NOVA1: variants seen among roughly 807,000 people sequenced by gnomAD.
NOVA1 encodes RNA-binding protein Nova-1.
In NOVA1, 7 loss-of-function variants were observed where a neutral mutation model predicts 38.0. The ratio of observed to expected loss-of-function variants is 0.18; its 90% CI spans 0.10 to 0.35. The LOEUF (loss-of-function observed/expected upper bound fraction) is 0.35, where lower values mean the gene tolerates loss of function less well. NOVA1 is among the 10% of genes least tolerant of loss of function. The pLI is 1.00. For missense variants in NOVA1, 460 were observed against 616.0 expected (o/e 0.75, Z 2.68); for synonymous variants, 270 against 232.5 (o/e 1.16, Z -1.47).
chr14:26,467,066 C>A (rs1402414342), intron 4 of NOVA1, among the ~76,000 whole-genome samples: 2 of 152,134 alleles, frequency 1.3e-5, no homozygotes, highest in African/African-American at 4.8e-5. Flanking sequence ...CAGATGTCAG[C>A]ATATAAAAGC....
At chr14:26,487,089 A>G (rs1003839184) in intron 2 of NOVA1, among the ~76,000 whole-genome samples, 3 of 152,174 alleles carry the variant, frequency 2.0e-5, no homozygotes, top group Non-Finnish European at 4.4e-5. Flanking sequence ...CATAAGCAAA[A>G]GTCTCATTTA....
chr14:26,590,642 A>C (rs1453560019), intron 2 of NOVA1, among the ~76,000 whole-genome samples: 1 of 151,634 alleles, frequency 6.6e-6, no homozygotes, highest in African/African-American at 2.4e-5. Flanking sequence ...GATATCACAT[A>C]CTCCTTAGCA....
intron 2 of NOVA1, among the ~76,000 whole-genome samples, chr14:26,542,099 AG>A (rs1459090870): frequency 6.6e-6 from 1 of 151,958 alleles, no homozygotes; most frequent in African/African-American, 2.4e-5. Flanking sequence ...TCATTAGGTA[AG>A]GTAAACATAT....
intron 2 of NOVA1, among the ~76,000 whole-genome samples, chr14:26,532,400 T>C (rs1161470513): frequency 6.6e-6 from 1 of 152,072 alleles, no homozygotes; most frequent in African/African-American, 2.4e-5. Context: ...CTCAGAAACA[T>C]GATTCAGAGC....
chr14:26,551,366 A>G (rs1490625125), intron 2 of NOVA1, among the ~76,000 whole-genome samples: 2 of 152,078 alleles, frequency 1.3e-5, no homozygotes, highest in Non-Finnish European at 2.9e-5. Flanking sequence ...AGTAATAGTA[A>G]TAATTGTTCA....
intron 2 of NOVA1, among the ~76,000 whole-genome samples, chr14:26,543,459 G>A (rs945816894): frequency 4.0e-5 from 6 of 151,884 alleles, no homozygotes; most frequent in African/African-American, 1.5e-4. Context: ...TGGTCAGAGA[G>A]ACAGACACAT....
At chr14:26,473,546 C>T (rs1178069437) in intron 3 of NOVA1, among the ~76,000 whole-genome samples, 1 of 151,856 alleles carries the variant, frequency 6.6e-6, no homozygotes, top group Non-Finnish European at 1.5e-5. Flanking sequence ...GATGAAATTA[C>T]TTGAAGTCAT....
intron 2 of NOVA1, chr14:26,594,553 A>C (rs184027941): frequency 6.6e-6 from 1 of 152,216 alleles, no homozygotes; most frequent in African/African-American, 2.4e-5. Context: ...TTTAAATAAA[A>C]GCAAATCAGC....
At chr14:26,540,748 C>T (rs1890416778) in intron 2 of NOVA1, among the ~76,000 whole-genome samples, 1 of 152,106 alleles carries the variant, frequency 6.6e-6, no homozygotes, top group African/African-American at 2.4e-5. Context: ...TTTCAGCAAT[C>T]CATTCAATAT....
intron 3 of NOVA1, among the ~76,000 whole-genome samples, chr14:26,478,776 G>A (rs1470402523): frequency 2.6e-5 from 4 of 151,786 alleles, no homozygotes; most frequent in African/African-American, 9.7e-5. Flanking sequence ...GGTATAAACT[G>A]AACCATTTGA....
At chr14:26,483,879 A>G (rs1885657294) in intron 2 of NOVA1, among the ~76,000 whole-genome samples, 1 of 152,180 alleles carries the variant, frequency 6.6e-6, no homozygotes, top group Non-Finnish European at 1.5e-5. Flanking sequence ...CCCAAATTAA[A>G]CAATTTTCAC....
chr14:26,490,695 A>T (rs1886265826), intron 2 of NOVA1, among the ~76,000 whole-genome samples: 1 of 152,032 alleles, frequency 6.6e-6, no homozygotes, highest in South Asian at 2.1e-4. Context: ...TTTTGTGTGT[A>T]TGAGACAGGG....
chr14:26,556,613 AC>A (rs1235394181), intron 2 of NOVA1, among the ~76,000 whole-genome samples: 1 of 152,196 alleles, frequency 6.6e-6, no homozygotes, highest in Non-Finnish European at 1.5e-5. Flanking sequence ...TTTTAGATAC[AC>A]CAAAAGCAGA....
intron 2 of NOVA1, among the ~76,000 whole-genome samples, chr14:26,585,463 G>A (rs959268575): frequency 1.4e-4 from 21 of 151,220 alleles, no homozygotes; most frequent in Middle Eastern, 3.4e-3. Flanking sequence ...TATAGTTGGG[G>A]AAGAAGATAT....
At position 26,586,393 on chromosome 14, in the gene NOVA1, C is replaced by T. The variant is rs1260651867; in HGVS notation, c.280+9017G>A. 3.3e-5 allele frequency among the ~76,000 whole-genome samples: 5 copies of T among 151,158 alleles called. No individual in the cohort carries two copies. In the South Asian group the frequency reaches 6.2e-4, roughly 19 times the overall value. On this transcript the variant is annotated intron_variant, in intron 2 of 4. Coordinates refer to ENST00000539517, the MANE Select transcript of NOVA1 (RefSeq NM_002515.3). ...GGACAATACAGCTACATTTTTACTA[C>T]GTTGCCTTACAATTAGCCTCATGCT...
chr14:26,493,129 AT>A (rs1329579836), intron 2 of NOVA1, among the ~76,000 whole-genome samples: 1 of 152,018 alleles, frequency 6.6e-6, no homozygotes, highest in Non-Finnish European at 1.5e-5. Flanking sequence ...CTTATTACCT[AT>A]TTTTTCAACA....
Position 26,443,993 on chromosome 14 carries a change from G to C in NOVA1, c.*3966C>G, listed in dbSNP as rs1383343302. On this transcript the variant is annotated 3_prime_UTR_variant, in exon 5 of 5. Transcript: ENST00000539517. ...TTCGAAAGCAAGAATTCCCTTCTTG[G>C]AGAAGACTTACAGTAAATAAAATTA... is the stretch of plus-strand genomic sequence containing the variant. 1 of 151,886 alleles carries C rather than the reference G, an allele frequency of 6.6e-6. No homozygotes were observed. The highest frequency in any genetic ancestry group is 1.5e-5 in the Non-Finnish European group (1 of 67,938). The allele number at this position is 151,886 out of a possible 1,614,324, so 9.4% of individuals were successfully genotyped here.
intron 2 of NOVA1, among the ~76,000 whole-genome samples, chr14:26,537,160 A>G (rs908109090): frequency 6.6e-6 from 1 of 152,102 alleles, no homozygotes; most frequent in Admixed American, 6.5e-5. Context: ...AAGGATTGAT[A>G]AATATATCAA....
chr14:26,504,835 A>C (rs1245158113), intron 2 of NOVA1, among the ~76,000 whole-genome samples: 1 of 152,212 alleles, frequency 6.6e-6, no homozygotes, highest in Non-Finnish European at 1.5e-5. Context: ...CTCTTACAAA[A>C]TATAACTGAG....
Sources: allele counts gnomAD v4.1 joint callset (sites outside exome capture counted in the v4.1 genomes callset), GRCh38; gene constraint gnomAD v4.1.1; transcripts MANE v1.5; gene names NCBI Gene and HGNC (gene_info 2026-07-23, HGNC 2026-07-21).